PPP3CC: variants seen among roughly 807,000 people sequenced by gnomAD.
PPP3CC encodes the protein serine/threonine-protein phosphatase 2B catalytic subunit gamma isoform.
In PPP3CC, 35 loss-of-function variants were observed where a neutral mutation model predicts 60.3. The ratio of observed to expected loss-of-function variants is 0.58; its 90% CI spans 0.44 to 0.77. The LOEUF is 0.77. Among genes scored for constraint, PPP3CC ranks in the 30% least tolerant of loss-of-function variants. PPP3CC has a pLI of 0.00. For missense variants in PPP3CC, 570 were observed against 628.9 expected, an observed-to-expected ratio of 0.91 and a Z score of 1.00; for synonymous variants, 206 against 224.3, an observed-to-expected ratio of 0.92 and a Z score of 0.73.
At position 22,525,543 on chromosome 8, in the gene PPP3CC, CCT is replaced by C. The variant is rs1163306920; in HGVS notation, c.944-1834_944-1833del. ...CTTTCTTTCTTTCTTTCTTTCTCTC[CCT>C]CTCTCTCTCTCTCTTTCTTTCTCTC... On this transcript the variant is annotated intron_variant, in intron 8 of 13. Transcript: ENST00000240139. 1.1e-3 allele frequency among the ~76,000 whole-genome samples: 40 copies of C among 35,002 alleles called. 1 individual carries two copies. The highest frequency in any genetic ancestry group is 1.7e-3 in the African/African-American group (15 of 8,818). The allele number at this position is 35,002 out of a possible 152,430, so 23.0% of individuals were successfully genotyped here. A position where few individuals can be genotyped will look rare whatever the true frequency, so the allele number is the denominator to read the frequency against.
chr8:22,495,500 A>T (rs1466383950), intron 3 of PPP3CC, among the ~76,000 whole-genome samples: 1 of 152,092 alleles, frequency 6.6e-6, no homozygotes, highest in Non-Finnish European at 1.5e-5. Flanking sequence ...AGTTAAATGA[A>T]TGTGTAGTTT....
intron 12 of PPP3CC, among the ~76,000 whole-genome samples, chr8:22,534,460 G>A (rs539339873): frequency 2.7e-4 from 41 of 152,134 alleles, no homozygotes; most frequent in Admixed American, 1.2e-3. Context: ...CCAAGTATTG[G>A]TGTGTTTGTG....
At chr8:22,443,562 C>T (rs1305276546) in intron 1 of PPP3CC, among the ~76,000 whole-genome samples, 2 of 150,478 alleles carry the variant, frequency 1.3e-5, no homozygotes, top group African/African-American at 2.4e-5. Flanking sequence ...TTTATTGCTA[C>T]GCATGCTTAT....
At chr8:22,450,428 C>A (rs899640967) in intron 1 of PPP3CC, among the ~76,000 whole-genome samples, 1 of 152,192 alleles carries the variant, frequency 6.6e-6, no homozygotes. Flanking sequence ...CATTTAGTCA[C>A]TGATTCAGAT....
chr8:22,510,713 G>C (rs1839061989), intron 4 of PPP3CC, among the ~76,000 whole-genome samples: 1 of 152,132 alleles, frequency 6.6e-6, no homozygotes, highest in Non-Finnish European at 1.5e-5. Context: ...TAGAAGCCTC[G>C]TGCATCAAAA....
intron 8 of PPP3CC, chr8:22,523,567 G>GGCA: frequency 2.6e-6 from 1 of 388,438 alleles, no homozygotes; most frequent in Non-Finnish European, 5.2e-6. Context: ...TACCTTGGGA[G>GGCA]GCTACACACC....
At chr8:22,443,400 A>G (rs1241386875) in intron 1 of PPP3CC, among the ~76,000 whole-genome samples, 2 of 151,802 alleles carry the variant, frequency 1.3e-5, no homozygotes, top group Non-Finnish European at 2.9e-5. Flanking sequence ...CGGGCACTGT[A>G]ATCCCAGCTA....
intron 1 of PPP3CC, among the ~76,000 whole-genome samples, chr8:22,441,819 A>C (rs1836682237): frequency 6.6e-6 from 1 of 152,086 alleles, no homozygotes; most frequent in Non-Finnish European, 1.5e-5. Flanking sequence ...TCTTCCAAGT[A>C]AGATATTTAA....
At chr8:22,463,144 A>G (rs747241206) in intron 1 of PPP3CC, among the ~76,000 whole-genome samples, 1 of 152,216 alleles carries the variant, frequency 6.6e-6, no homozygotes, top group Non-Finnish European at 1.5e-5. Flanking sequence ...AGAGAAGAAA[A>G]TGCCAAGAGA....
Position 22,475,487 on chromosome 8 carries a change from CTT to C in PPP3CC, c.248-7_248-6del. 1 of 1,603,140 alleles carries C rather than the reference CTT, an allele frequency of 6.2e-7. No homozygotes were observed. Among genetic ancestry groups the C allele is most frequent in the African/African-American group, 1.3e-5 (1 of 74,536 alleles). ...GTATAATTTCTCACATCACTTTATG[CTT>C]TTTTTCCTAGTATGTGGTGATATTC... On this transcript the variant is annotated splice_polypyrimidine_tract_variant and intron_variant, in intron 2 of 13. Transcript: ENST00000240139.
At position 22,484,499 on chromosome 8, in the gene PPP3CC, G is replaced by T. The variant is rs1440367432; in HGVS notation, c.372+8875G>T. Among the ~76,000 whole-genome samples the T allele has an allele frequency of 3.3e-5, 5 of 152,124 alleles. 1 individual carries two copies. The highest frequency in any genetic ancestry group is 2.4e-5 in the African/African-American group (1 of 41,418). ...TATCTTTCTGACAAAATGGAATAAG[G>T]CCAAACTTAATGTTCTTTTTTAAAA... On this transcript the variant is annotated intron_variant, in intron 3 of 13. Transcript: ENST00000240139.
chr8:22,508,411 A>G (rs1405549138), intron 4 of PPP3CC, among the ~76,000 whole-genome samples: 2 of 152,220 alleles, frequency 1.3e-5, no homozygotes, highest in African/African-American at 4.8e-5. Flanking sequence ...TATATATGCA[A>G]TTCATATACT....
At chr8:22,443,854 G>A (rs1836747955) in intron 1 of PPP3CC, among the ~76,000 whole-genome samples, 1 of 152,132 alleles carries the variant, frequency 6.6e-6, no homozygotes, top group African/African-American at 2.4e-5. Flanking sequence ...CATAGCTAAG[G>A]TCCATTGTAA....
intron 1 of PPP3CC, among the ~76,000 whole-genome samples, chr8:22,442,280 T>C (rs1042506712): frequency 2.6e-5 from 4 of 152,208 alleles, no homozygotes; most frequent in Non-Finnish European, 5.9e-5. Context: ...ACAATCGGTT[T>C]GAAAGCGCTA....
At chr8:22,476,807 C>G (rs1371715919) in intron 3 of PPP3CC, among the ~76,000 whole-genome samples, 2 of 151,954 alleles carry the variant, frequency 1.3e-5, no homozygotes, top group African/African-American at 4.8e-5. Flanking sequence ...AGGCAGGCAC[C>G]TGTAGTCCCA....
intron 1 of PPP3CC, among the ~76,000 whole-genome samples, chr8:22,470,843 T>C (rs1050923934): frequency 1.3e-5 from 2 of 152,320 alleles, no homozygotes; most frequent in East Asian, 3.9e-4. Flanking sequence ...TTGTGAACTG[T>C]TGGGTAAAAC....
intron 3 of PPP3CC, chr8:22,493,150 G>A: frequency 6.9e-7 from 1 of 1,444,896 alleles, no homozygotes; most frequent in Non-Finnish European, 9.6e-7. Context: ...ACTTGAAGAA[G>A]TTATTGGGAG....
intron 1 of PPP3CC, among the ~76,000 whole-genome samples, chr8:22,457,119 CT>C (rs1195353090): frequency 1.4e-5 from 2 of 146,984 alleles, no homozygotes; most frequent in East Asian, 2.0e-4. Flanking sequence ...ATCCCTTCCC[CT>C]CTCTCAATAT....
At chr8:22,470,028 A>G (rs1337370488) in intron 1 of PPP3CC, among the ~76,000 whole-genome samples, 1 of 151,168 alleles carries the variant, frequency 6.6e-6, no homozygotes, top group Non-Finnish European at 1.5e-5. Flanking sequence ...TGGGTGATAT[A>G]TATAAAATAA....
Sources: allele counts gnomAD v4.1 joint callset (sites outside exome capture counted in the v4.1 genomes callset), GRCh38; gene constraint gnomAD v4.1.1; transcripts MANE v1.5; gene names NCBI Gene and HGNC (gene_info 2026-07-23, HGNC 2026-07-21).